ME3: variants seen among roughly 807,000 people sequenced by gnomAD.
ME3 encodes NADP-dependent malic enzyme, mitochondrial.
In ME3, 48 loss-of-function variants were observed where a neutral mutation model predicts 68.9. That is an observed-to-expected ratio of 0.70 (90% CI 0.55 to 0.89). The LOEUF (loss-of-function observed/expected upper bound fraction) is 0.89. ME3 is among the 40% of genes least tolerant of loss of function. The pLI, the probability that ME3 is intolerant of heterozygous loss-of-function variation, is 0.00. For missense variants in ME3, 675 were observed against 797.4 expected, an observed-to-expected ratio of 0.85 and a Z score of 1.85; for synonymous variants, 320 against 318.8, an observed-to-expected ratio of 1.00 and a Z score of -0.04.
Position 86,618,719 on chromosome 11 carries a change from CT to C in ME3, c.183+53042del, listed in dbSNP as rs1173272488. Among the ~76,000 whole-genome samples, 572 of 137,296 alleles carry C rather than the reference CT, an allele frequency of 4.2e-3. 1 individual carries two copies. Among genetic ancestry groups the C allele is most frequent in the Non-Finnish European group, 4.7e-3 (299 of 63,028 alleles). The allele number at this position is 137,296 out of a possible 152,430, so 90.1% of individuals were successfully genotyped here. ...TAAATGAGTTCTCATGAGATCTGGT[CT>C]TTTTTTTTTTTTTTTGAGACGGAGT... On this transcript the variant is annotated intron_variant, in intron 2 of 14. Coordinates refer to ENST00000543262, the Ensembl canonical transcript of ME3.
chr11:86,522,535 T>C (rs1022241798), intron 4 of ME3, among the ~76,000 whole-genome samples: 2 of 151,342 alleles, frequency 1.3e-5, no homozygotes, highest in South Asian at 2.1e-4. Context: ...CGCCCCCTCC[T>C]TGACCCGCCG....
At chr11:86,503,027 T>G (rs1952829064) in intron 5 of ME3, among the ~76,000 whole-genome samples, 1 of 152,170 alleles carries the variant, frequency 6.6e-6, no homozygotes, top group Non-Finnish European at 1.5e-5. Flanking sequence ...CCTTCTCATC[T>G]TTCCTTTTAT....
At chr11:86,493,775 C>T (rs1952139332) in intron 6 of ME3, among the ~76,000 whole-genome samples, 1 of 152,154 alleles carries the variant, frequency 6.6e-6, no homozygotes, top group Admixed American at 6.5e-5. Context: ...GGGCTGTGGA[C>T]AGCAGATGTT....
chr11:86,574,617 G>T (rs1456050919), intron 2 of ME3, among the ~76,000 whole-genome samples: 1 of 152,178 alleles, frequency 6.6e-6, no homozygotes, highest in Admixed American at 6.5e-5. Flanking sequence ...TTGTCCCAGA[G>T]GGGCACTGGC....
intron 8 of ME3, among the ~76,000 whole-genome samples, chr11:86,457,142 T>C (rs1324257683): frequency 6.6e-6 from 1 of 152,246 alleles, no homozygotes; most frequent in African/African-American, 2.4e-5. Context: ...TCCTATTTCC[T>C]GCATATTCAA....
intron 2 of ME3, among the ~76,000 whole-genome samples, chr11:86,630,913 G>C (rs1473744182): frequency 6.6e-6 from 1 of 152,244 alleles, no homozygotes. Context: ...ACCTGGAAAG[G>C]AGCAGGGTGA....
rs376060905 is a variant in ME3 at position 86,597,261 on chromosome 11, G to A, written c.184-37438C>T. ...TCTGGAGCTCAGTTCCAAGGAACAC[G>A]TTCCAAGGTCACGGCAGAACCAGCA... is the stretch of plus-strand genomic sequence containing the variant. On this transcript the variant is annotated intron_variant, in intron 2 of 14. Transcript: ENST00000543262. Among the ~76,000 whole-genome samples, 65 of 152,350 alleles carry A rather than the reference G, an allele frequency of 4.3e-4. 1 individual carries two copies. In the South Asian group the frequency reaches 0.012, roughly 28 times the overall value.
chr11:86,645,449 A>G (rs1283466969), intron 2 of ME3, among the ~76,000 whole-genome samples: 1 of 152,168 alleles, frequency 6.6e-6, no homozygotes, highest in Non-Finnish European at 1.5e-5. Context: ...GCCACCAGGA[A>G]GTTTGGACTG....
intron 2 of ME3, among the ~76,000 whole-genome samples, chr11:86,669,607 G>C (rs1946796916): frequency 6.6e-6 from 1 of 152,076 alleles, no homozygotes; most frequent in Admixed American, 6.6e-5. Context: ...CAGCATGCAG[G>C]GGAACCACCC....
rs1394015148 is a variant in ME3 at position 86,447,772 on chromosome 11, CACT to C, written c.1237+375_1237+377del. On this transcript the variant is annotated intron_variant, in intron 11 of 14. Transcript: ENST00000543262. ...ACTTGGGAGGCTGAGGCAGGAGAAT[CACT>C]TGAACCCAGGGGGCGGAGGTTGCAG... Among the ~76,000 whole-genome samples, 45 of 150,358 alleles carry C rather than the reference CACT, an allele frequency of 3.0e-4. No homozygotes were observed. In the East Asian group the frequency reaches 8.0e-3, roughly 27 times the overall value.
intron 2 of ME3, among the ~76,000 whole-genome samples, chr11:86,639,893 G>A (rs1944560781): frequency 6.6e-6 from 1 of 152,218 alleles, no homozygotes; most frequent in Admixed American, 6.5e-5. Context: ...GCATGAGTGG[G>A]TGATTGGGGG....
chr11:86,469,463 A>T (rs1208935057), intron 7 of ME3, among the ~76,000 whole-genome samples: 1 of 151,750 alleles, frequency 6.6e-6, no homozygotes, highest in African/African-American at 2.4e-5. Context: ...CAGAGGCAGG[A>T]CCCCTCCCAA....
At chr11:86,465,371 C>T (rs1419003927) in intron 7 of ME3, among the ~76,000 whole-genome samples, 171 bp from the exon 8 acceptor site, 1 of 152,150 alleles carries the variant, frequency 6.6e-6, no homozygotes, top group African/African-American at 2.4e-5. Flanking sequence ...GGGCTTGGAG[C>T]TCTGCCTGCC....
At chr11:86,441,391 G>C in exon 15 of ME3, 1 of 1,612,404 alleles carries the variant, frequency 6.2e-7, no homozygotes, top group East Asian at 2.2e-5. Flanking sequence ...CTTGTCCTTA[G>C]GCTCTGGGTA....
At chr11:86,446,920 C>G in intron 12 of ME3, 145 bp downstream of exon 12, 4 of 1,165,056 alleles carry the variant, frequency 3.4e-6, no homozygotes, top group Non-Finnish European at 4.7e-6. Flanking sequence ...CTTATTAGCT[C>G]TTTGACCTTG....
chr11:86,645,463 G>A lies in ME3; in HGVS notation c.183+26299C>T, dbSNP rs73528018. On this transcript the variant is annotated intron_variant, in intron 2 of 14. Coordinates refer to ENST00000543262, the Ensembl canonical transcript of ME3. ...AGCCACCAGGAAGTTTGGACTGTGC[G>A]GAGCCCACTGCAGCTCGTTGTAGCC... 3.4e-3 allele frequency among the ~76,000 whole-genome samples: 515 copies of A among 152,234 alleles called. 2 individuals are homozygous for A. Among genetic ancestry groups the A allele is most frequent in the African/African-American group, 0.011 (468 of 41,550 alleles).
chr11:86,576,312 T>C (rs1380794475), intron 2 of ME3, among the ~76,000 whole-genome samples: 1 of 152,126 alleles, frequency 6.6e-6, no homozygotes. Context: ...CACACAGATC[T>C]TAATGATAGT....
At chr11:86,508,969 T>C (rs1041626018) in intron 4 of ME3, 102 bp from the exon 5 acceptor site, 2 of 932,736 alleles carry the variant, frequency 2.1e-6, no homozygotes, top group Non-Finnish European at 3.4e-6. Flanking sequence ...AATTTGCCCA[T>C]AGACCTGGGC....
At chr11:86,527,954 G>A (rs1954895313) in intron 4 of ME3, among the ~76,000 whole-genome samples, 1 of 152,136 alleles carries the variant, frequency 6.6e-6, no homozygotes, top group South Asian at 2.1e-4. Context: ...CAACTAACAA[G>A]CAAACTAACC....
Sources: gnomAD v4.1 joint callset for allele counts (sites outside exome capture counted in the v4.1 genomes callset) on GRCh38, gnomAD v4.1.1 for gene constraint, MANE v1.5 for transcripts, NCBI Gene and HGNC (gene_info 2026-07-23, HGNC 2026-07-21) for gene names.